RPL28: variants seen among roughly 807,000 people sequenced by gnomAD.
RPL28 encodes the protein large ribosomal subunit protein eL28.
In RPL28, 4 loss-of-function variants were observed where a neutral mutation model predicts 12.5. The observed-to-expected ratio is 0.32, with a 90% CI of 0.16 to 0.73. The LOEUF (loss-of-function observed/expected upper bound fraction) is 0.73. Among genes scored for constraint, RPL28 ranks in the 30% least tolerant of loss-of-function variants. RPL28 has a pLI of 0.66. For missense variants in RPL28, 214 were observed against 197.7 expected (o/e 1.08, Z -0.49); for synonymous variants, 91 against 72.5 (o/e 1.26, Z -1.30).
chr19:55,387,150 G>A (rs2089938922), intron 3 of RPL28: 3 of 1,291,834 alleles, frequency 2.3e-6, no homozygotes, highest in Non-Finnish European at 3.3e-6. Context: ...AGGTCTTGGG[G>A]ACCCCACTCC....
At position 55,386,996 on chromosome 19, in the gene RPL28, A is replaced by G. The variant is rs572520381; in HGVS notation, c.205+303A>G. ...TCAGATGAAATTCTCAAAGCAAGTC[A>G]GGGTGGGGATGGATGGTTTCATCCC... On this transcript the variant is annotated intron_variant, in intron 3 of 4. Coordinates refer to ENST00000344063, the MANE Select transcript of RPL28 (RefSeq NM_000991.5). 110 of 1,442,020 alleles carry G rather than the reference A, an allele frequency of 7.6e-5. No individual in the cohort carries two copies. The African/African-American group carries it at 1.5e-3, about 19-fold the overall frequency. 89.3% of individuals were successfully genotyped at this position (1,442,020 alleles called of 1,614,324 possible). A position where few individuals can be genotyped will look rare whatever the true frequency, so the allele number is the denominator to read the frequency against.
chr19:55,387,341 C>G (rs1411868233), intron 3 of RPL28: 18 of 1,551,572 alleles, frequency 1.2e-5, no homozygotes, highest in Non-Finnish European at 1.5e-5. Flanking sequence ...GGTCCTTTTA[C>G]TCAGTGGCAG....
Position 55,389,008 on chromosome 19 carries a change from G to T in RPL28, c.*676G>T. On this transcript the variant is annotated 3_prime_UTR_variant, in exon 5 of 5. Coordinates refer to ENST00000344063, the MANE Select transcript of RPL28 (RefSeq NM_000991.5). ...GTCCCCATCCCTCCCCTGTCTCTTT[G>T]AGCTGGCTCTTGTCACTTAGGTCTC... The T allele has an allele frequency of 1.0e-6, 1 of 985,458 alleles. No individual in the cohort carries two copies. The highest frequency in any genetic ancestry group is 1.2e-6 in the Non-Finnish European group (1 of 829,978). The allele number at this position is 985,458 out of a possible 1,614,324, so 61.0% of individuals were successfully genotyped here.
Position 55,390,910 on chromosome 19 carries a change from C to A in RPL28, c.*2578C>A. ...AGAGAGAGATGTTGGATGGGGCCAT[C>A]TATTCCAGCTTTATTCACACAAATC... On this transcript the variant is annotated 3_prime_UTR_variant, in exon 5 of 5. Transcript: ENST00000344063. 1.0e-6 allele frequency: 1 copy of A among 985,436 alleles called. No homozygotes were observed. Among genetic ancestry groups the A allele is most frequent in the Non-Finnish European group, 1.2e-6 (1 of 829,924 alleles). 61.0% of individuals were successfully genotyped at this position (985,436 alleles called of 1,614,324 possible).
chr19:55,388,539 T>C lies in RPL28; in HGVS notation c.*207T>C. 1 of 1,288,164 alleles carries C rather than the reference T, an allele frequency of 7.8e-7. No individual in the cohort carries two copies. Among genetic ancestry groups the C allele is most frequent in the Non-Finnish European group, 9.8e-7 (1 of 1,016,972 alleles). 79.8% of individuals were successfully genotyped at this position (1,288,164 alleles called of 1,614,324 possible). ...GGTGGGGTAGCTGCCTTGTCCCTGG[T>C]GAGGGCAAGGGTCACTGTCTTCACA... On this transcript the variant is annotated 3_prime_UTR_variant, in exon 5 of 5. Transcript: ENST00000344063.
In RPL28 at chr19:55,389,471, C is replaced by G. The variant is rs890845940; in HGVS notation, c.*1139C>G. 7.1e-6 allele frequency: 7 copies of G among 985,476 alleles called. No homozygotes were observed. The allele number at this position is 985,476 out of a possible 1,614,324, so 61.0% of individuals were successfully genotyped here. A position where few individuals can be genotyped will look rare whatever the true frequency, so the allele number is the denominator to read the frequency against. ...TCCAGCATCCATGGCACCCCTGGTT[C>G]CTGCCATCCTGGGGTACCCGATTCA... is the stretch of plus-strand genomic sequence containing the variant. On this transcript the variant is annotated 3_prime_UTR_variant, in exon 5 of 5. Transcript: ENST00000344063.
chr19:55,399,044 G>T (rs1193827311), intron 4 of RPL28, among the ~76,000 whole-genome samples: 2 of 152,140 alleles, frequency 1.3e-5, no homozygotes, highest in Non-Finnish European at 2.9e-5. Context: ...CTGGAGTGCA[G>T]TGGTACGATC....
At position 55,392,003 on chromosome 19, in the gene RPL28, C is replaced by G. The variant is rs1038616895; in HGVS notation, c.*3671C>G. The G allele has an allele frequency of 1.3e-5, 14 of 1,116,696 alleles. No homozygotes were observed. The African/African-American group carries it at 1.6e-4, about 13-fold the overall frequency. The allele number at this position is 1,116,696 out of a possible 1,614,324, so 69.2% of individuals were successfully genotyped here. ...TCCTCAGCTGCATTTCCAGCCCAGG[C>G]TGTTTGGCGCTGCCCAGGAATGGTA... is the stretch of plus-strand genomic sequence containing the variant. On this transcript the variant is annotated 3_prime_UTR_variant, in exon 5 of 5. Coordinates refer to ENST00000344063, the MANE Select transcript of RPL28 (RefSeq NM_000991.5).
rs767304236 is a variant in RPL28 at position 55,388,016 on chromosome 19, C to T, written c.292C>T (p.Arg98Cys). ...GCTCAGCAGCATCAGACACATGATC[C>T]GCAAGAACAAGTACCGCCCCGACCT... ...ATLSSIRHMIRKNKYRPDLRM... is the reference protein window; with the variant it reads ...ATLSSIRHMICKNKYRPDLRM... The change falls in exon 4 of 5, where the codon CGC becomes TGC. Residue 98 changes from arginine (R) to cysteine (C), a missense_variant. By Grantham distance (180) the Arg-to-Cys change is radical. Coordinates refer to ENST00000344063, the MANE Select transcript of RPL28 (RefSeq NM_000991.5). The T allele has an allele frequency of 1.1e-5, 17 of 1,613,500 alleles. No individual in the cohort carries two copies. The highest frequency in any genetic ancestry group is 2.2e-5 in the East Asian group (1 of 44,870).
exon 5 of RPL28, chr19:55,403,176 G>A (rs935938123): frequency 2.4e-5 from 16 of 674,936 alleles, no homozygotes; most frequent in African/African-American, 3.5e-5. Flanking sequence ...CCCTTGGGGG[G>A]CAAAATCACC....
At chr19:55,387,072 T>C in intron 3 of RPL28, 1 of 1,424,172 alleles carries the variant, frequency 7.0e-7, no homozygotes, top group Non-Finnish European at 9.3e-7. Flanking sequence ...GCTACCACAC[T>C]TAGGAGGGGA....
At chr19:55,397,434 C>A (rs1014551969) in intron 4 of RPL28, among the ~76,000 whole-genome samples, 2 of 152,118 alleles carry the variant, frequency 1.3e-5, no homozygotes, top group Non-Finnish European at 2.9e-5. Flanking sequence ...GGCTGGAGTG[C>A]AGTGGCGCGA....
rs2089961153 is a variant in RPL28 at position 55,388,760 on chromosome 19, G to C, written c.*428G>C. 9.9e-7 allele frequency: 1 copy of C among 1,007,352 alleles called. No homozygotes were observed. The highest frequency in any genetic ancestry group is 1.2e-6 in the Non-Finnish European group (1 of 845,046). The allele number at this position is 1,007,352 out of a possible 1,614,324, so 62.4% of individuals were successfully genotyped here. A position where few individuals can be genotyped will look rare whatever the true frequency, so the allele number is the denominator to read the frequency against. On this transcript the variant is annotated 3_prime_UTR_variant, in exon 5 of 5. Coordinates refer to ENST00000344063, the MANE Select transcript of RPL28 (RefSeq NM_000991.5). ...GACTTGGGGTGTTCCCAAGACCTGG[G>C]GGACGACAGACATCACGGGAGGAAG...
At position 55,388,755 on chromosome 19, in the gene RPL28, C is replaced by G. The variant is rs1275268817; in HGVS notation, c.*423C>G. The G allele has an allele frequency of 6.9e-6, 7 of 1,009,594 alleles. No individual in the cohort carries two copies. Among genetic ancestry groups the G allele is most frequent in the Admixed American group, 5.9e-5 (1 of 16,914 alleles). The allele number at this position is 1,009,594 out of a possible 1,614,324, so 62.5% of individuals were successfully genotyped here. A position where few individuals can be genotyped will look rare whatever the true frequency, so the allele number is the denominator to read the frequency against. On this transcript the variant is annotated 3_prime_UTR_variant, in exon 5 of 5. Transcript: ENST00000344063. Reference sequence around the variant, plus strand: ...TTGGGGACTTGGGGTGTTCCCAAGACCTGGGGGACGACAGACATCACGGGA... The same window carrying G: ...TTGGGGACTTGGGGTGTTCCCAAGAGCTGGGGGACGACAGACATCACGGGA...
chr19:55,399,635 C>G (rs1389526917), intron 4 of RPL28: 1 of 152,148 alleles, frequency 6.6e-6, no homozygotes, highest in African/African-American at 2.4e-5. Flanking sequence ...TAGTGACCAA[C>G]CCCCTTCCTG....
Position 55,390,778 on chromosome 19 carries a change from G to A in RPL28, c.*2446G>A, listed in dbSNP as rs906417078. 1.2e-4 allele frequency: 122 copies of A among 985,366 alleles called. No individual in the cohort carries two copies. In the Middle Eastern group the frequency reaches 1.5e-3, roughly 13 times the overall value. The allele number at this position is 985,366 out of a possible 1,614,324, so 61.0% of individuals were successfully genotyped here. A position where few individuals can be genotyped will look rare whatever the true frequency, so the allele number is the denominator to read the frequency against. The stretch of plus-strand genomic sequence containing the variant: ...CGGTGGGTTGGGGTGGAGGAACCAG[G>A]AGAGGGCTGGAGGGAGGGAGATGGT... On this transcript the variant is annotated 3_prime_UTR_variant, in exon 5 of 5. Coordinates refer to ENST00000344063, the MANE Select transcript of RPL28 (RefSeq NM_000991.5).
chr19:55,389,533 G>A lies in RPL28; in HGVS notation c.*1201G>A. On this transcript the variant is annotated 3_prime_UTR_variant, in exon 5 of 5. Transcript: ENST00000344063. The stretch of plus-strand genomic sequence containing the variant: ...TGCTCCCTGTCTGAGACCACCCCCG[G>A]CTCTGACTGAGAGTAAGGGGACTGT... The A allele has an allele frequency of 1.0e-6, 1 of 985,462 alleles. No homozygotes were observed. The highest frequency in any genetic ancestry group is 1.2e-6 in the Non-Finnish European group (1 of 829,956). The allele number at this position is 985,462 out of a possible 1,614,324, so 61.0% of individuals were successfully genotyped here.
At position 55,386,491 on chromosome 19, in the gene RPL28, T is replaced by C. The variant is rs576282031; in HGVS notation, c.81+53T>C. On this transcript the variant is annotated intron_variant, in intron 2 of 4. Coordinates refer to ENST00000344063, the MANE Select transcript of RPL28 (RefSeq NM_000991.5). ...TGCGGGAGGAGGGTCCTGAGTCTCTTGACTCTGGGTCAGAGGGCGGGACCT... is the reference window on the plus strand; with the variant it reads ...TGCGGGAGGAGGGTCCTGAGTCTCTCGACTCTGGGTCAGAGGGCGGGACCT... The C allele has an allele frequency of 1.9e-5, 30 of 1,600,642 alleles. No homozygotes were observed. In the African/African-American group the frequency reaches 3.9e-4, roughly 21 times the overall value.
chr19:55,389,692 A>G lies in RPL28; in HGVS notation c.*1360A>G, dbSNP rs986698926. ...AGCTCGAAGGAGAGCAGATCTGACC[A>G]CTTGCCAGCCCCTGTCTGCTGTGAA... is the stretch of plus-strand genomic sequence containing the variant. On this transcript the variant is annotated 3_prime_UTR_variant, in exon 5 of 5. Transcript: ENST00000344063. The G allele has an allele frequency of 1.9e-4, 191 of 985,522 alleles. No individual in the cohort carries two copies. The Admixed American group carries it at 2.1e-3, about 11-fold the overall frequency. 61.0% of individuals were successfully genotyped at this position (985,522 alleles called of 1,614,324 possible).
Sources: allele counts gnomAD v4.1 joint callset (sites outside exome capture counted in the v4.1 genomes callset), GRCh38; gene constraint gnomAD v4.1.1; transcripts MANE v1.5; gene names NCBI Gene and HGNC (gene_info 2026-07-23, HGNC 2026-07-21).